COL27A1: variants seen among roughly 807,000 people sequenced by gnomAD.
The protein encoded by COL27A1 is collagen alpha-1(XXVII) chain.
Under a neutral mutation model 251.3 loss-of-function variants are expected in COL27A1, and 106 were observed. The ratio of observed to expected loss-of-function variants is 0.42; its 90% CI spans 0.36 to 0.50. The LOEUF (loss-of-function observed/expected upper bound fraction) is 0.50. COL27A1 is among the 20% of genes least tolerant of loss of function. The probability of loss-of-function intolerance (pLI) is 0.00; values close to 1 mark genes in which losing one functional copy is unlikely to be tolerated. For missense variants in COL27A1, 2,325 were observed against 2,522.8 expected, an observed-to-expected ratio of 0.92 and a Z score of 1.68; for synonymous variants, 1,000 against 986.3, an observed-to-expected ratio of 1.01 and a Z score of -0.26.
intron 41 of COL27A1, among the ~76,000 whole-genome samples, chr9:114,286,648 G>A (rs1318575070): frequency 2.0e-5 from 3 of 152,128 alleles, no homozygotes; most frequent in Non-Finnish European, 2.9e-5. Flanking sequence ...GCTAAATGAC[G>A]AGTTAATGGG....
intron 2 of COL27A1, among the ~76,000 whole-genome samples, chr9:114,165,166 T>G (rs1478572617): frequency 6.6e-6 from 1 of 152,188 alleles, no homozygotes; most frequent in Non-Finnish European, 1.5e-5. Context: ...GAACTGAGGC[T>G]CACTGCTGGT....
intron 49 of COL27A1, among the ~76,000 whole-genome samples, chr9:114,294,235 G>A (rs375469566): frequency 7.6e-6 from 1 of 132,058 alleles, no homozygotes; most frequent in South Asian, 2.6e-4. Flanking sequence ...GCGACAGGGA[G>A]AGACTCTGTC....
intron 17 of COL27A1, among the ~76,000 whole-genome samples, chr9:114,236,428 C>A (rs1228246496): frequency 6.6e-6 from 1 of 152,178 alleles, no homozygotes; most frequent in Non-Finnish European, 1.5e-5. Context: ...GACATATTGA[C>A]TATGGGATCA....
At chr9:114,265,167 G>T (rs1428578162) in intron 31 of COL27A1, 57 bp downstream of exon 31, 1 of 509,210 alleles carries the variant, frequency 2.0e-6, no homozygotes. Flanking sequence ...GGGGTGGGGG[G>T]CGGGTGCGGT....
intron 7 of COL27A1, among the ~76,000 whole-genome samples, chr9:114,202,968 A>G (rs1427739958): frequency 6.6e-6 from 1 of 152,208 alleles, no homozygotes; most frequent in African/African-American, 2.4e-5. Context: ...AAAAGCATAT[A>G]ACATAAAATT....
intron 27 of COL27A1, among the ~76,000 whole-genome samples, chr9:114,258,234 G>A (rs77482304): frequency 0.023 from 3,527 of 152,282 alleles, 119 homozygotes; most frequent in African/African-American, 0.072. Context: ...TTGATTTTGA[G>A]GAAAAGGAGA....
chr9:114,171,638 A>G (rs1423071984), intron 3 of COL27A1, among the ~76,000 whole-genome samples: 1 of 150,288 alleles, frequency 6.7e-6, no homozygotes. Flanking sequence ...TAATTTTTTC[A>G]CTTTTTTTGT....
At chr9:114,173,325 A>G (rs1849456459) in intron 3 of COL27A1, among the ~76,000 whole-genome samples, 1 of 152,272 alleles carries the variant, frequency 6.6e-6, no homozygotes, top group Non-Finnish European at 1.5e-5. Flanking sequence ...CCTGGCCCAC[A>G]CCACGTGCTC....
intron 7 of COL27A1, 114 bp downstream of exon 7, chr9:114,196,126 CT>C (rs1302934158): frequency 1.1e-6 from 1 of 914,904 alleles, no homozygotes; most frequent in African/African-American, 1.6e-5. Context: ...CCCAGCTCCC[CT>C]GGGCACAGGG....
intron 23 of COL27A1, among the ~76,000 whole-genome samples, chr9:114,244,325 G>C (rs1832965029): frequency 6.6e-6 from 1 of 151,800 alleles, no homozygotes; most frequent in African/African-American, 2.4e-5. Flanking sequence ...ATTTTCTTCT[G>C]TGGGCCTCTA....
At position 114,288,725 on chromosome 9, in the gene COL27A1, C is replaced by A. The variant is rs956232162; in HGVS notation, c.4068C>A (p.Asp1356Glu). 3 of 1,610,478 alleles carry A rather than the reference C, an allele frequency of 1.9e-6. No individual in the cohort carries two copies. Among genetic ancestry groups the A allele is most frequent in the African/African-American group, 2.7e-5 (2 of 74,874 alleles). Residue 1356 changes from aspartate (D) to glutamate (E), a missense_variant, in exon 43 of 61, where the codon GAC (aspartate) becomes GAA (glutamate). Transcript: ENST00000356083. ...GDRGPVGDRG[D>E]RGEPGDPGYP... is the part of the protein sequence containing the mutation. Reference sequence around the variant, plus strand: ...AGGGCCCTGTGGGTGATCGAGGAGACCGCGGGGAACCGGGAGACCCTGGGT... The same window carrying A: ...AGGGCCCTGTGGGTGATCGAGGAGAACGCGGGGAACCGGGAGACCCTGGGT...
intron 33 of COL27A1, 111 bp downstream of exon 33, chr9:114,266,729 G>A (rs565141478): frequency 1.0e-5 from 10 of 986,226 alleles, no homozygotes; most frequent in African/African-American, 9.5e-5. Flanking sequence ...CTGGCCCAGG[G>A]AGATGGTCAT....
At chr9:114,274,636 G>A (rs377347192) in intron 36 of COL27A1, among the ~76,000 whole-genome samples, 16 of 152,328 alleles carry the variant, frequency 1.1e-4, no homozygotes, top group African/African-American at 3.6e-4. Flanking sequence ...AGCCCAGAGC[G>A]ATAGGAGGGC....
chr9:114,306,719 G>T (rs202076305), intron 58 of COL27A1, 31 bp downstream of exon 58: 3 of 1,604,214 alleles, frequency 1.9e-6, no homozygotes, highest in Non-Finnish European at 2.6e-6. Context: ...GGGTGGGTGC[G>T]CCTGGCGGTG....
intron 37 of COL27A1, among the ~76,000 whole-genome samples, chr9:114,281,933 T>C (rs1835936246): frequency 1.3e-5 from 2 of 152,284 alleles, no homozygotes; most frequent in South Asian, 4.1e-4. Context: ...TTGCTCCCTG[T>C]AGGACACCCC....
chr9:114,218,670 C>T (rs1209238622), intron 12 of COL27A1: 2 of 152,110 alleles, frequency 1.3e-5, no homozygotes, highest in African/African-American at 4.8e-5. Context: ...AATGTCAATC[C>T]AAGAGGACTT....
intron 56 of COL27A1, 33 bp from the exon 57 acceptor site, chr9:114,304,575 C>T: frequency 2.5e-6 from 4 of 1,610,752 alleles, no homozygotes; most frequent in Non-Finnish European, 2.5e-6. Context: ...CCCTGGGGGG[C>T]CACGATACAT....
chr9:114,168,052 GCA>G lies in COL27A1; in HGVS notation c.500_501del (p.Thr167SerfsTer43). ...CACCTGGCCCTCGAGCTCCGAGGCC[GCA>G]CAGTCACTCTGGTGACTGCCTGCGG... On this transcript the variant is annotated frameshift_variant, in exon 3 of 61. Coordinates refer to ENST00000356083, the MANE Select transcript of COL27A1 (RefSeq NM_032888.4). LOFTEE classifies it high-confidence loss of function. 1 of 1,607,508 alleles carries G rather than the reference GCA, an allele frequency of 6.2e-7. No homozygotes were observed.
chr9:114,183,108 G>A (rs1489641343), intron 5 of COL27A1, 33 bp downstream of exon 5: 2 of 1,595,666 alleles, frequency 1.3e-6, no homozygotes, highest in Non-Finnish European at 1.7e-6. Context: ...GCCATGGAGT[G>A]GGTGCTGGGG....
Sources: gnomAD v4.1 joint callset for allele counts (sites outside exome capture counted in the v4.1 genomes callset) on GRCh38, gnomAD v4.1.1 for gene constraint, MANE v1.5 for transcripts, NCBI Gene and HGNC (gene_info 2026-07-23, HGNC 2026-07-21) for gene names.